The following TBC1D32 variants were observed in gnomAD, a reference collection of about 807,000 sequenced individuals.
The protein encoded by TBC1D32 is protein broad-minded.
A neutral mutation model predicts 170.3 loss-of-function variants in TBC1D32; 151 were observed. That is an observed-to-expected ratio of 0.89 (90% CI 0.78 to 1.01). TBC1D32 has a LOEUF of 1.01. Among genes scored for constraint, TBC1D32 ranks in the 50% least tolerant of loss-of-function variants. TBC1D32 has a pLI of 0.00. For missense variants in TBC1D32, 1,464 were observed against 1,457.1 expected (o/e 1.00, Z -0.08); for synonymous variants, 498 against 488.0 (o/e 1.02, Z -0.27).
At chr6:121,177,154 T>C (rs1787873755) in intron 22 of TBC1D32, among the ~76,000 whole-genome samples, 4 of 152,160 alleles carry the variant, frequency 2.6e-5, no homozygotes, top group South Asian at 2.1e-4. Context: ...TCCCTGCCCA[T>C]ATCTCATGTC....
In TBC1D32 at chr6:121,317,680, T is replaced by A; in HGVS notation, c.318-8A>T. ...TGCATCATTTCTTTGTACCTTTAAA[T>A]TCAAGGTAGTCTTAATAAGAGAAAG... On this transcript the variant is annotated splice_polypyrimidine_tract_variant and splice_region_variant and intron_variant, in intron 2 of 31. Coordinates refer to ENST00000398212, the MANE Select transcript of TBC1D32 (RefSeq NM_152730.6). The A allele has an allele frequency of 6.4e-7, 1 of 1,566,642 alleles. No individual in the cohort carries two copies. Among genetic ancestry groups the A allele is most frequent in the Non-Finnish European group, 8.7e-7 (1 of 1,155,230 alleles).
intron 2 of TBC1D32, 131 bp from the exon 3 acceptor site, chr6:121,317,803 C>A: frequency 1.8e-6 from 1 of 547,908 alleles, no homozygotes; most frequent in Non-Finnish European, 2.9e-6. Context: ...GGAGAAAAAT[C>A]GAACTCAATT....
chr6:121,086,976 C>A (rs1776328126), intron 31 of TBC1D32, among the ~76,000 whole-genome samples: 1 of 152,162 alleles, frequency 6.6e-6, no homozygotes, highest in African/African-American at 2.4e-5. Context: ...ACTTTCTGAA[C>A]CATCATCTGT....
intron 9 of TBC1D32, among the ~76,000 whole-genome samples, chr6:121,302,640 G>A (rs1036353423): frequency 2.6e-5 from 4 of 151,888 alleles, no homozygotes; most frequent in African/African-American, 9.7e-5. Flanking sequence ...TGTATAATTA[G>A]AAAAATTTAA....
At chr6:121,298,161 A>G (rs1805937720) in intron 10 of TBC1D32, among the ~76,000 whole-genome samples, 1 of 152,116 alleles carries the variant, frequency 6.6e-6, no homozygotes. Flanking sequence ...TATAAAATGA[A>G]TAATATTTTG....
At chr6:121,292,252 T>A in intron 11 of TBC1D32, 59 bp from the exon 12 acceptor site, 1 of 1,485,294 alleles carries the variant, frequency 6.7e-7, no homozygotes. Context: ...ACAGTACCTG[T>A]CTTCATTCCC....
chr6:121,106,266 T>A lies in TBC1D32; in HGVS notation c.3325-103A>T, dbSNP rs1456705567. The A allele has an allele frequency of 9.3e-6, 6 of 644,160 alleles. No homozygotes were observed. In the Admixed American group the frequency reaches 2.3e-4, roughly 25 times the overall value. The allele number at this position is 644,160 out of a possible 1,614,324, so 39.9% of individuals were successfully genotyped here. Reference sequence around the variant, plus strand: ...TACCTATTTTCCTTTTGCTGTAAATTGCTGCTTCAAAATTAATATGGTGGC... The same window carrying A: ...TACCTATTTTCCTTTTGCTGTAAATAGCTGCTTCAAAATTAATATGGTGGC... On this transcript the variant is annotated intron_variant, in intron 29 of 31. Transcript: ENST00000398212.
intron 1 of TBC1D32, among the ~76,000 whole-genome samples, chr6:121,330,336 G>C (rs1694965595): frequency 6.6e-6 from 1 of 152,064 alleles, no homozygotes; most frequent in South Asian, 2.1e-4. Flanking sequence ...GCCCAGCCCC[G>C]AGGGAATATT....
intron 2 of TBC1D32, among the ~76,000 whole-genome samples, chr6:121,321,076 A>T (rs1198485132): frequency 6.6e-6 from 1 of 152,150 alleles, no homozygotes; most frequent in Non-Finnish European, 1.5e-5. Context: ...ATCTTTCTTA[A>T]ACATATATAT....
At chr6:121,304,873 C>A in intron 5 of TBC1D32, 40 bp from the exon 6 acceptor site, 5 of 1,332,662 alleles carry the variant, frequency 3.8e-6, no homozygotes, top group East Asian at 2.3e-5. Context: ...TAAGATCTCA[C>A]AAGAATAGAA....
At chr6:121,117,469 A>G (rs957900447) in intron 26 of TBC1D32, among the ~76,000 whole-genome samples, 1 of 152,156 alleles carries the variant, frequency 6.6e-6, no homozygotes, top group Non-Finnish European at 1.5e-5. Flanking sequence ...TGGGAGGCTG[A>G]GAGGGATGGA....
rs115533928 is a variant in TBC1D32, at chr6:121,169,662, C to T, written c.2571-8606G>A. Among the ~76,000 whole-genome samples, 232 of 152,190 alleles carry T rather than the reference C, an allele frequency of 1.5e-3. 1 individual carries two copies. The highest frequency in any genetic ancestry group is 5.4e-3 in the African/African-American group (224 of 41,530). On this transcript the variant is annotated intron_variant, in intron 22 of 31. Transcript: ENST00000398212. ...CCTTAAATTCAAAATCTAAATGTTG[C>T]TTATGAGCAGCTTCCATACTCAGCA...
chr6:121,260,542 G>A (rs971320105), intron 15 of TBC1D32, among the ~76,000 whole-genome samples: 1 of 152,286 alleles, frequency 6.6e-6, no homozygotes, highest in East Asian at 1.9e-4. Flanking sequence ...GCCCACCTTA[G>A]ATCTACACAG....
chr6:121,243,551 T>C (rs1797237699), intron 17 of TBC1D32, among the ~76,000 whole-genome samples: 1 of 151,928 alleles, frequency 6.6e-6, no homozygotes, highest in Admixed American at 6.6e-5. Flanking sequence ...AAAATATTAG[T>C]AGAGATATTA....
chr6:121,332,187 A>C (rs998313655), intron 1 of TBC1D32, among the ~76,000 whole-genome samples: 8 of 152,192 alleles, frequency 5.3e-5, no homozygotes, highest in African/African-American at 1.7e-4. Context: ...ATACAGATAA[A>C]GCAATAATTA....
At chr6:121,139,044 C>CT in intron 24 of TBC1D32, among the ~76,000 whole-genome samples, 1 of 152,032 alleles carries the variant, frequency 6.6e-6, no homozygotes, top group African/African-American at 2.4e-5. Flanking sequence ...GACAGGGTTT[C>CT]ACTGTGTTAG....
chr6:121,219,011 T>C (rs1794186106), intron 21 of TBC1D32, among the ~76,000 whole-genome samples: 1 of 152,190 alleles, frequency 6.6e-6, no homozygotes, highest in African/African-American at 2.4e-5. Context: ...AGTATGTCTT[T>C]ATTAGCAGCA....
chr6:121,304,261 T>G, intron 8 of TBC1D32, 104 bp downstream of exon 8: 1 of 955,658 alleles, frequency 1.0e-6, no homozygotes, highest in South Asian at 2.0e-5. Context: ...CCCTTCCCAA[T>G]CAGGTAAGTC....
At chr6:121,124,759 T>G (rs1780653989) in intron 26 of TBC1D32, among the ~76,000 whole-genome samples, 1 of 48,398 alleles carries the variant, frequency 2.1e-5, no homozygotes, top group Non-Finnish European at 4.8e-5. Flanking sequence ...CAAATTGTCT[T>G]CAAGCTCACT....
Sources: allele counts gnomAD v4.1 joint callset (sites outside exome capture counted in the v4.1 genomes callset), GRCh38; gene constraint gnomAD v4.1.1; transcripts MANE v1.5; gene names NCBI Gene and HGNC (gene_info 2026-07-23, HGNC 2026-07-21).